The following ARHGEF4 variants were observed in gnomAD, a reference collection of about 807,000 sequenced individuals.
The protein encoded by ARHGEF4 is APC-stimulated guanine nucleotide exchange factor 1.
In ARHGEF4, 119 loss-of-function variants were observed where a neutral mutation model predicts 162.0. The ratio of observed to expected loss-of-function variants is 0.73; its 90% CI spans 0.63 to 0.86. ARHGEF4 has a LOEUF of 0.86. ARHGEF4 is among the 40% of genes least tolerant of loss of function. ARHGEF4 has a pLI of 0.00. For missense variants in ARHGEF4, 2,488 were observed against 2,456.0 expected, an observed-to-expected ratio of 1.01 and a Z score of -0.28; for synonymous variants, 1,014 against 979.9, an observed-to-expected ratio of 1.03 and a Z score of -0.65.
chr2:130,964,314 C>T, intron 4 of ARHGEF4: 1 of 933,596 alleles, frequency 1.1e-6, no homozygotes, highest in Non-Finnish European at 1.3e-6. Context: ...TCTTGGGACC[C>T]CCCGCCCCCC....
chr2:130,932,843 C>T lies in ARHGEF4; in HGVS notation c.3858+1586C>T, dbSNP rs117008584. On this transcript the variant is annotated intron_variant, in intron 3 of 13. Coordinates refer to ENST00000409359, the MANE Select transcript of ARHGEF4 (RefSeq NM_001367493.1). ...AGGTCCAATTTTAATATTTTCCATG[C>T]GGATATGTAGTTACCCAAACACCAT... Among the ~76,000 whole-genome samples the T allele has an allele frequency of 4.2e-4, 64 of 152,150 alleles. No individual in the cohort carries two copies. The East Asian group carries it at 0.011, about 27-fold the overall frequency.
intron 4 of ARHGEF4, among the ~76,000 whole-genome samples, chr2:130,976,847 G>A (rs760462564): frequency 1.8e-4 from 27 of 151,996 alleles, no homozygotes; most frequent in African/African-American, 5.6e-4. Context: ...TATGTTTGGC[G>A]TGTTTGTGGT....
Position 130,977,415 on chromosome 2 carries a change from GGT to G in ARHGEF4, c.3985+30785_3985+30786del, listed in dbSNP as rs1422972065. Among the ~76,000 whole-genome samples the G allele has an allele frequency of 2.6e-5, 4 of 151,586 alleles. No individual in the cohort carries two copies. In the South Asian group the frequency reaches 8.3e-4, roughly 32 times the overall value. On this transcript the variant is annotated intron_variant, in intron 4 of 13. Transcript: ENST00000409359. Reference sequence around the variant, plus strand: ...TGTGTGATGTGTTTTTTGTGTATGGGGTGTGTTTGTGTTTTCTATGTGGTGTA... The same window carrying G: ...TGTGTGATGTGTTTTTTGTGTATGGGGTGTTTGTGTTTTCTATGTGGTGTA...
chr2:131,013,182 C>T (rs944964714), intron 4 of ARHGEF4, among the ~76,000 whole-genome samples: 9 of 152,114 alleles, frequency 5.9e-5, no homozygotes, highest in African/African-American at 1.7e-4. Context: ...TTGTCAGGAG[C>T]AGATTCAACC....
intron 1 of ARHGEF4, among the ~76,000 whole-genome samples, chr2:130,869,705 G>A (rs1224324137): frequency 1.3e-5 from 2 of 152,210 alleles, no homozygotes; most frequent in Admixed American, 6.5e-5. Context: ...CAGCAGTCAC[G>A]GGCAGCCCGG....
chr2:130,908,041 C>G (rs1680945455), intron 1 of ARHGEF4, among the ~76,000 whole-genome samples: 1 of 151,648 alleles, frequency 6.6e-6, no homozygotes, highest in Admixed American at 6.6e-5. Flanking sequence ...AGTGGATTTG[C>G]TTGGTCATAT....
In ARHGEF4 at chr2:131,032,614, C is replaced by A. The variant is rs1573668671; in HGVS notation, c.4125+4530C>A. On this transcript the variant is annotated intron_variant, in intron 5 of 13. Transcript: ENST00000409359. ...CTTTTGCGCAGGGCTGCAAGGTCAC[C>A]TGGTGGCCAGCCCCTCCAAAGTGGC... 4.6e-5 allele frequency among the ~76,000 whole-genome samples: 7 copies of A among 151,988 alleles called. No individual in the cohort carries two copies. The South Asian group carries it at 1.5e-3, about 31-fold the overall frequency.
At chr2:130,877,318 A>T (rs1275669799) in intron 1 of ARHGEF4, among the ~76,000 whole-genome samples, 2 of 152,258 alleles carry the variant, frequency 1.3e-5, no homozygotes, top group East Asian at 1.9e-4. Flanking sequence ...GTATATATTT[A>T]GTGTACACAA....
intron 4 of ARHGEF4, chr2:131,011,632 A>G: frequency 6.5e-7 from 1 of 1,532,408 alleles, no homozygotes; most frequent in Non-Finnish European, 8.7e-7. Flanking sequence ...TTCTCTCAAA[A>G]CTGGTTAACT....
At chr2:130,988,901 T>TATATATATATATATAG (rs1469212068) in intron 4 of ARHGEF4, among the ~76,000 whole-genome samples, 2 of 113,366 alleles carry the variant, frequency 1.8e-5, no homozygotes, top group Non-Finnish European at 3.4e-5. Flanking sequence ...TATATATATA[T>TATATATATATATATAG]AGAGAGAGAG....
chr2:131,032,848 C>CTTTTTTTTTTTTTT (rs111971610), intron 5 of ARHGEF4, among the ~76,000 whole-genome samples: 1 of 128,616 alleles, frequency 7.8e-6, no homozygotes, highest in African/African-American at 3.4e-5. Context: ...TTTCTTTTTT[C>CTTTTTTTTTTTTTT]TTTTTTTTTT....
chr2:130,890,678 G>A (rs1336614579), intron 1 of ARHGEF4, among the ~76,000 whole-genome samples: 1 of 151,948 alleles, frequency 6.6e-6, no homozygotes. Context: ...TGCCGTTAAA[G>A]CTATCTATTG....
chr2:130,917,518 C>A lies in ARHGEF4; in HGVS notation c.3552+20C>A. ...AGTGAGGTGAGTATCTGAATCGCACCAAGCCTTTCCTGACCTCTGCAGGCA... is the reference window on the plus strand; with the variant it reads ...AGTGAGGTGAGTATCTGAATCGCACAAAGCCTTTCCTGACCTCTGCAGGCA... On this transcript the variant is annotated intron_variant, in intron 2 of 13. Transcript: ENST00000409359. 6.5e-7 allele frequency: 1 copy of A among 1,536,198 alleles called. No homozygotes were observed. Among genetic ancestry groups the A allele is most frequent in the South Asian group, 1.2e-5 (1 of 81,650 alleles).
intron 5 of ARHGEF4, chr2:131,035,141 C>A (rs1479700659): frequency 8.3e-7 from 1 of 1,200,144 alleles, no homozygotes; most frequent in African/African-American, 1.6e-5. Flanking sequence ...CCCGGGAACG[C>A]CCTGCGCGCC....
At position 131,038,940 on chromosome 2, in the gene ARHGEF4, G is replaced by A; in HGVS notation, c.4213G>A (p.Asp1405Asn). 1 of 1,613,766 alleles carries A rather than the reference G, an allele frequency of 6.2e-7. No individual in the cohort carries two copies. Residue 1405 changes from aspartate to asparagine, a missense_variant, in exon 6 of 14, where the codon GAC (aspartate) becomes AAC (asparagine). Coordinates refer to ENST00000409359, the MANE Select transcript of ARHGEF4 (RefSeq NM_001367493.1). Reference protein sequence around the residue: ...DDQELGFKAGDVIEVMDATNR... With the variant: ...DDQELGFKAGNVIEVMDATNR... ...CCAGGAGCTGGGCTTCAAAGCTGGG[G>A]ACGTCATCGAAGTGATGGATGCCAC...
rs1304394181 is a variant in ARHGEF4 at position 130,916,962 on chromosome 2, C to T, written c.3016C>T (p.Pro1006Ser). The T allele has an allele frequency of 6.4e-7, 1 of 1,550,844 alleles. No individual in the cohort carries two copies. Among genetic ancestry groups the T allele is most frequent in the Admixed American group, 2.0e-5 (1 of 51,008 alleles). The change falls in exon 2 of 14, where the codon CCC (proline) becomes TCC (serine). Residue 1006 changes from proline to serine, a missense_variant. Pro to Ser is a moderately conservative substitution (Grantham distance 74). Transcript: ENST00000409359. The part of the protein sequence containing the change: ...EGYVFSDHWA[P>S]PLASTPLSSS... ...CTATGTTTTTAGCGATCACTGGGCA[C>T]CCCCACTTGCCTCCACACCTTTGTC... is the stretch of plus-strand genomic sequence containing the variant.
At chr2:130,986,006 T>G (rs954833813) in intron 4 of ARHGEF4, among the ~76,000 whole-genome samples, 1 of 151,724 alleles carries the variant, frequency 6.6e-6, no homozygotes, top group African/African-American at 2.4e-5. Context: ...GTTGAACATG[T>G]ATGATGTGTG....
chr2:130,889,506 T>C (rs1679728351), intron 1 of ARHGEF4, among the ~76,000 whole-genome samples: 1 of 152,004 alleles, frequency 6.6e-6, no homozygotes, highest in South Asian at 2.1e-4. Flanking sequence ...TTTTCTCAGC[T>C]TTTTGTTTCT....
At chr2:131,011,904 T>C (rs762696433) in intron 4 of ARHGEF4, 8 of 702,790 alleles carry the variant, frequency 1.1e-5, no homozygotes, top group South Asian at 1.0e-4. Flanking sequence ...GGACCTGCAC[T>C]GGAGGTACGT....
Sources: gnomAD v4.1 joint callset for allele counts (sites outside exome capture counted in the v4.1 genomes callset) on GRCh38, gnomAD v4.1.1 for gene constraint, MANE v1.5 for transcripts, NCBI Gene and HGNC (gene_info 2026-07-23, HGNC 2026-07-21) for gene names.